SLC9A9: variants seen among roughly 807,000 people sequenced by gnomAD.
SLC9A9 encodes the protein sodium/hydrogen exchanger 9.
SLC9A9 carries 62 observed loss-of-function variants against 77.8 expected under a neutral mutation model. That is an observed-to-expected ratio of 0.80 (90% CI 0.65 to 0.98). SLC9A9 has a LOEUF of 0.98. Among genes scored for constraint, SLC9A9 ranks in the 50% least tolerant of loss-of-function variants. The pLI, the probability that SLC9A9 is intolerant of heterozygous loss-of-function variation, is 0.00. For missense variants in SLC9A9, 775 were observed against 774.9 expected (o/e 1.00, Z 0.00); for synonymous variants, 320 against 283.5 (o/e 1.13, Z -1.29).
At chr3:143,532,722 C>G (rs2036530628) in intron 9 of SLC9A9, among the ~76,000 whole-genome samples, 1 of 152,096 alleles carries the variant, frequency 6.6e-6, no homozygotes, top group Admixed American at 6.5e-5. Context: ...GGATTTCTTC[C>G]AGCCCTATAA....
intron 4 of SLC9A9, among the ~76,000 whole-genome samples, chr3:143,794,101 T>G (rs1417315567): frequency 1.3e-5 from 2 of 152,208 alleles, no homozygotes; most frequent in African/African-American, 2.4e-5. Flanking sequence ...TCCCTCTGCT[T>G]ACAGGCACAA....
chr3:143,380,464 G>C (rs1254225084), intron 13 of SLC9A9, among the ~76,000 whole-genome samples: 1 of 41,826 alleles, frequency 2.4e-5, no homozygotes, highest in Non-Finnish European at 4.7e-5. Flanking sequence ...TTAGATAAAA[G>C]TTTTCTTGAA....
intron 14 of SLC9A9, among the ~76,000 whole-genome samples, chr3:143,359,922 A>G (rs1297646469): frequency 2.0e-5 from 3 of 152,070 alleles, no homozygotes; most frequent in Non-Finnish European, 4.4e-5. Flanking sequence ...CCTTGTTATC[A>G]CACCGATATA....
intron 14 of SLC9A9, among the ~76,000 whole-genome samples, chr3:143,284,219 T>C (rs1394672918): frequency 6.6e-6 from 1 of 152,168 alleles, no homozygotes; most frequent in East Asian, 1.9e-4. Context: ...TTTGTAACTG[T>C]GAACAGGCAG....
At chr3:143,453,287 G>T (rs1295865378) in intron 12 of SLC9A9, among the ~76,000 whole-genome samples, 2 of 151,860 alleles carry the variant, frequency 1.3e-5, no homozygotes, top group African/African-American at 4.8e-5. Context: ...TTAAAGACTA[G>T]ATTATTTCTA....
intron 2 of SLC9A9, among the ~76,000 whole-genome samples, chr3:143,824,731 G>A (rs576246442): frequency 6.6e-6 from 1 of 152,314 alleles, no homozygotes; most frequent in East Asian, 1.9e-4. Flanking sequence ...AAGAAAATCT[G>A]TGTTGTTCAA....
intron 2 of SLC9A9, among the ~76,000 whole-genome samples, chr3:143,825,034 A>G (rs1286736963): frequency 1.3e-5 from 2 of 152,206 alleles, no homozygotes; most frequent in Non-Finnish European, 2.9e-5. Flanking sequence ...CAAATCATGG[A>G]GCCCTATTCT....
At chr3:143,515,158 T>C (rs2036184907) in intron 9 of SLC9A9, among the ~76,000 whole-genome samples, 1 of 152,178 alleles carries the variant, frequency 6.6e-6, no homozygotes, top group Non-Finnish European at 1.5e-5. Flanking sequence ...GAATGACCAG[T>C]TGGTGGAGCA....
intron 6 of SLC9A9, among the ~76,000 whole-genome samples, chr3:143,628,593 C>T (rs1003266610): frequency 6.6e-6 from 1 of 151,968 alleles, no homozygotes; most frequent in Non-Finnish European, 1.5e-5. Flanking sequence ...CATTGGAGAC[C>T]ATCTGTATTA....
chr3:143,800,119 T>A (rs1239350686), intron 2 of SLC9A9, among the ~76,000 whole-genome samples: 8 of 152,126 alleles, frequency 5.3e-5, no homozygotes. Flanking sequence ...CATTGCTGCC[T>A]TTTCCCCAGT....
chr3:143,278,905 A>G (rs966074104), intron 14 of SLC9A9, among the ~76,000 whole-genome samples: 4 of 152,214 alleles, frequency 2.6e-5, no homozygotes, highest in African/African-American at 9.7e-5. Context: ...CTCTGTACTT[A>G]TTATCTACAA....
At chr3:143,508,223 C>A (rs992915902) in intron 9 of SLC9A9, among the ~76,000 whole-genome samples, 1 of 152,226 alleles carries the variant, frequency 6.6e-6, no homozygotes, top group African/African-American at 2.4e-5. Flanking sequence ...TCTAAATTAA[C>A]ATTTACTGCT....
intron 6 of SLC9A9, among the ~76,000 whole-genome samples, chr3:143,593,448 G>C (rs1201148385): frequency 6.6e-6 from 1 of 152,200 alleles, no homozygotes; most frequent in African/African-American, 2.4e-5. Context: ...TTATATCCCA[G>C]TGTCTCCTCT....
intron 3 of SLC9A9, 125 bp downstream of exon 3, chr3:143,796,701 T>C: frequency 1.5e-6 from 1 of 659,562 alleles, no homozygotes; most frequent in Non-Finnish European, 2.6e-6. Context: ...TGAATCTGCA[T>C]CACAAATTTA....
At position 143,417,863 on chromosome 3, in the gene SLC9A9, T is replaced by C. The variant is rs990675305; in HGVS notation, c.1470-35749A>G. ...CCATGGAACTATGGAAGAGCATCCT[T>C]CAAGGCCTACAGAGCCTCTAAGGAG... On this transcript the variant is annotated intron_variant, in intron 12 of 15. Coordinates refer to ENST00000316549, the MANE Select transcript of SLC9A9 (RefSeq NM_173653.4). Among the ~76,000 whole-genome samples, 6 of 152,126 alleles carry C rather than the reference T, an allele frequency of 3.9e-5. No individual in the cohort carries two copies. In the South Asian group the frequency reaches 1.2e-3, roughly 32 times the overall value.
At chr3:143,398,657 G>A (rs1020935760) in intron 12 of SLC9A9, among the ~76,000 whole-genome samples, 3 of 151,758 alleles carry the variant, frequency 2.0e-5, no homozygotes, top group African/African-American at 7.3e-5. Context: ...TTTTGCACCA[G>A]TAAATCTGTT....
At chr3:143,532,618 A>C (rs1033619017) in intron 9 of SLC9A9, among the ~76,000 whole-genome samples, 2 of 152,160 alleles carry the variant, frequency 1.3e-5, no homozygotes, top group Non-Finnish European at 2.9e-5. Context: ...AAGGAAAAAA[A>C]CCCTCATTTT....
At chr3:143,589,403 T>G (rs1326744587) in intron 6 of SLC9A9, among the ~76,000 whole-genome samples, 1 of 152,180 alleles carries the variant, frequency 6.6e-6, no homozygotes, top group Non-Finnish European at 1.5e-5. Flanking sequence ...ACAGACTGCA[T>G]ATACAACAGT....
chr3:143,836,692 A>G (rs1010996485), intron 1 of SLC9A9, among the ~76,000 whole-genome samples: 1 of 152,188 alleles, frequency 6.6e-6, no homozygotes, highest in African/African-American at 2.4e-5. Context: ...TACCTTCCTG[A>G]ACTGATTCTC....
Sources: gnomAD v4.1 joint callset for allele counts (sites outside exome capture counted in the v4.1 genomes callset) on GRCh38, gnomAD v4.1.1 for gene constraint, MANE v1.5 for transcripts, NCBI Gene and HGNC (gene_info 2026-07-23, HGNC 2026-07-21) for gene names.